Variants in PRDM5 observed in about 807,000 individuals in gnomAD.
The protein encoded by PRDM5 is PR domain zinc finger protein 5.
In PRDM5, 56 loss-of-function variants were observed where a neutral mutation model predicts 81.2. The observed-to-expected ratio is 0.69, with a 90% CI of 0.56 to 0.86. The LOEUF (loss-of-function observed/expected upper bound fraction) is 0.86, where lower values mean the gene tolerates loss of function less well. Ranked by LOEUF, PRDM5 falls within the 40% of genes least tolerant of loss-of-function variation. The pLI, the probability that PRDM5 is intolerant of heterozygous loss-of-function variation, is 0.00. For missense variants in PRDM5, 697 were observed against 770.1 expected (o/e 0.91, Z 1.12); for synonymous variants, 267 against 256.4 (o/e 1.04, Z -0.39).
intron 3 of PRDM5, among the ~76,000 whole-genome samples, chr4:120,845,551 AACT>A (rs1758560204): frequency 6.6e-6 from 1 of 152,226 alleles, no homozygotes; most frequent in African/African-American, 2.4e-5. Context: ...CACTTCTGAA[AACT>A]ACTGCTCATT....
intron 2 of PRDM5, among the ~76,000 whole-genome samples, chr4:120,876,202 T>G (rs1215098475): frequency 2.6e-5 from 4 of 152,166 alleles, no homozygotes; most frequent in Middle Eastern, 3.2e-3. Context: ...GACACGCACA[T>G]CCACATCAGG....
At chr4:120,747,698 A>T (rs890891600) in intron 14 of PRDM5, among the ~76,000 whole-genome samples, 3 of 152,202 alleles carry the variant, frequency 2.0e-5, no homozygotes, top group African/African-American at 7.2e-5. Flanking sequence ...AAAGTTCATG[A>T]AAGAAAATTA....
intron 3 of PRDM5, among the ~76,000 whole-genome samples, chr4:120,829,581 C>G (rs1756466199): frequency 6.6e-6 from 1 of 152,056 alleles, no homozygotes; most frequent in African/African-American, 2.4e-5. Flanking sequence ...AAATATAACT[C>G]CAGGAGAGGC....
chr4:120,706,101 T>G (rs1003773761), intron 15 of PRDM5, among the ~76,000 whole-genome samples: 2 of 152,050 alleles, frequency 1.3e-5, no homozygotes, highest in Non-Finnish European at 2.9e-5. Flanking sequence ...TTTTTTTTTT[T>G]TCTTTTTGGA....
intron 8 of PRDM5, among the ~76,000 whole-genome samples, chr4:120,802,766 G>A (rs556590902): frequency 6.6e-6 from 1 of 152,288 alleles, no homozygotes; most frequent in East Asian, 1.9e-4. Context: ...AAAAAGCAGA[G>A]CAGAAAAGCT....
intron 1 of PRDM5, among the ~76,000 whole-genome samples, chr4:120,908,035 G>C (rs1054927683): frequency 5.9e-5 from 9 of 152,190 alleles, no homozygotes; most frequent in African/African-American, 2.2e-4. Flanking sequence ...CTTTAAATTT[G>C]CCTGCCAATC....
intron 3 of PRDM5, among the ~76,000 whole-genome samples, chr4:120,843,940 G>A (rs549528409): frequency 6.6e-6 from 1 of 152,148 alleles, no homozygotes; most frequent in Admixed American, 6.5e-5. Context: ...TGGCCACAGA[G>A]CACAGCAAGC....
rs879292810 is a variant in PRDM5 at position 120,745,585 on chromosome 4, C to G, written c.1623+8968G>C. Reference sequence around the variant, plus strand: ...AGCTGATAAGCAACTTCAGCAAAGTCTCAGGATACAAAATCAATGTGCAAA... The same window carrying G: ...AGCTGATAAGCAACTTCAGCAAAGTGTCAGGATACAAAATCAATGTGCAAA... On this transcript the variant is annotated intron_variant, in intron 14 of 15. Transcript: ENST00000264808. Among the ~76,000 whole-genome samples, 1,200 of 139,568 alleles carry G rather than the reference C, an allele frequency of 8.6e-3. 2 individuals are homozygous for G. The highest frequency in any genetic ancestry group is 0.023 in the African/African-American group (798 of 34,368). 91.6% of individuals were successfully genotyped at this position (139,568 alleles called of 152,430 possible). A position where few individuals can be genotyped will look rare whatever the true frequency, so the allele number is the denominator to read the frequency against.
At chr4:120,922,476 C>G in intron 1 of PRDM5, 40 bp downstream of exon 1, 1 of 1,486,048 alleles carries the variant, frequency 6.7e-7, no homozygotes, top group Non-Finnish European at 9.0e-7. Context: ...ACAGGGCGCG[C>G]GAGGTGCAGG....
intron 1 of PRDM5, among the ~76,000 whole-genome samples, chr4:120,908,506 A>G (rs1383305860): frequency 2.0e-5 from 3 of 152,252 alleles, no homozygotes; most frequent in Non-Finnish European, 4.4e-5. Context: ...AAGGATATAA[A>G]TTACTTAATG....
intron 1 of PRDM5, among the ~76,000 whole-genome samples, chr4:120,915,671 G>T (rs1393557883): frequency 6.6e-6 from 1 of 152,188 alleles, no homozygotes; most frequent in South Asian, 2.1e-4. Context: ...AGAAGGGAAA[G>T]AAACAGTACA....
chr4:120,904,497 G>C (rs1229067911), intron 2 of PRDM5, among the ~76,000 whole-genome samples: 2 of 152,134 alleles, frequency 1.3e-5, no homozygotes, highest in East Asian at 1.9e-4. Flanking sequence ...AGACATAAAG[G>C]GTGAAGTAAA....
intron 2 of PRDM5, among the ~76,000 whole-genome samples, chr4:120,906,795 CTG>C (rs1450599060): frequency 4.6e-5 from 7 of 151,870 alleles, no homozygotes; most frequent in Admixed American, 6.6e-5. Context: ...CAACATGAAA[CTG>C]AGATTTGTTT....
intron 10 of PRDM5, among the ~76,000 whole-genome samples, chr4:120,790,969 A>G (rs925959740): frequency 1.7e-4 from 17 of 98,764 alleles, no homozygotes; most frequent in African/African-American, 4.5e-4. Flanking sequence ...AAACAGAAAA[A>G]CACACATACA....
rs1553945560 is a variant in PRDM5, at chr4:120,710,220, G to GACACACACACACACAC, written c.1728+73_1728+88dup. On this transcript the variant is annotated intron_variant, in intron 15 of 15. Coordinates refer to ENST00000264808, the MANE Select transcript of PRDM5 (RefSeq NM_018699.4). ...TCCAGCAATGCAACACACACACACA[G>GACACACACACACACAC]ACACACACACACACACACATACACA... is the stretch of plus-strand genomic sequence containing the variant. The GACACACACACACACAC allele has an allele frequency of 5.1e-6, 5 of 981,812 alleles. No homozygotes were observed. In the Admixed American group the frequency reaches 8.3e-5, roughly 16 times the overall value. The allele number at this position is 981,812 out of a possible 1,614,324, so 60.8% of individuals were successfully genotyped here.
chr4:120,844,502 A>T (rs1026440792), intron 3 of PRDM5, among the ~76,000 whole-genome samples: 17 of 152,106 alleles, frequency 1.1e-4, no homozygotes, highest in African/African-American at 3.9e-4. Context: ...ATAACCTGTG[A>T]TCAAGGGTCT....
In PRDM5 at chr4:120,863,191, T is replaced by TATATACACACACACACAC. The variant is rs1553997193; in HGVS notation, c.178-9652_178-9651insGTGTGTGTGTGTGTATAT. On this transcript the variant is annotated intron_variant, in intron 2 of 15. Coordinates refer to ENST00000264808, the MANE Select transcript of PRDM5 (RefSeq NM_018699.4). ...AAAAAAAAAAATATATATATATATATACACACACACACACACACACACACA... is the reference window on the plus strand; with the variant it reads ...AAAAAAAAAAATATATATATATATATATATACACACACACACACACACACACACACACACACACACACA... 2.9e-3 allele frequency among the ~76,000 whole-genome samples: 202 copies of TATATACACACACACACAC among 70,272 alleles called. 1 individual carries two copies. Among genetic ancestry groups the TATATACACACACACACAC allele is most frequent in the East Asian group, 3.7e-3 (10 of 2,694 alleles). 46.1% of individuals were successfully genotyped at this position (70,272 alleles called of 152,430 possible).
chr4:120,715,988 A>G (rs1166188979), intron 14 of PRDM5, among the ~76,000 whole-genome samples: 1 of 152,218 alleles, frequency 6.6e-6, no homozygotes, highest in Non-Finnish European at 1.5e-5. Flanking sequence ...TTGCTCATAC[A>G]GATGCTTAAA....
intron 2 of PRDM5, among the ~76,000 whole-genome samples, chr4:120,855,158 A>G (rs1192944496): frequency 6.6e-6 from 1 of 152,178 alleles, no homozygotes. Context: ...ATTCTCATAT[A>G]TAATACCCAG....
Sources: gnomAD v4.1 joint callset for allele counts (sites outside exome capture counted in the v4.1 genomes callset) on GRCh38, gnomAD v4.1.1 for gene constraint, MANE v1.5 for transcripts, NCBI Gene and HGNC (gene_info 2026-07-23, HGNC 2026-07-21) for gene names.